The following PRKCB variants were observed in gnomAD, a reference collection of about 807,000 sequenced individuals.
The protein encoded by PRKCB is protein kinase C beta type.
A neutral mutation model predicts 81.5 loss-of-function variants in PRKCB; 13 were observed. The observed-to-expected ratio is 0.16, with a 90% CI of 0.10 to 0.25. The LOEUF is 0.25. Among genes scored for constraint, PRKCB ranks in the 10% least tolerant of loss-of-function variants. The probability of loss-of-function intolerance (pLI) is 1.00; values close to 1 mark genes in which losing one functional copy is unlikely to be tolerated. For synonymous variants in PRKCB, 335 were observed against 321.4 expected, an observed-to-expected ratio of 1.04 and a Z score of -0.45; for missense variants, 509 against 875.7, an observed-to-expected ratio of 0.58 and a Z score of 5.29.
intron 2 of PRKCB, among the ~76,000 whole-genome samples, chr16:23,912,113 T>C (rs1428239315): frequency 1.3e-5 from 2 of 152,062 alleles, no homozygotes; most frequent in Non-Finnish European, 2.9e-5. Flanking sequence ...ATTACAGACA[T>C]GAGCCACTGT....
chr16:23,847,344 C>T (rs1962387327), intron 2 of PRKCB, among the ~76,000 whole-genome samples: 1 of 100,134 alleles, frequency 1.0e-5, no homozygotes, highest in Admixed American at 9.3e-5. Context: ...ATCTATCTAT[C>T]TATCTATCTA....
intron 2 of PRKCB, among the ~76,000 whole-genome samples, chr16:23,936,731 T>C (rs932930753): frequency 2.0e-5 from 3 of 152,108 alleles, no homozygotes; most frequent in Non-Finnish European, 4.4e-5. Flanking sequence ...TATTCATTTT[T>C]TAATAGATGT....
chr16:24,004,818 A>G (rs1965095395), intron 3 of PRKCB, among the ~76,000 whole-genome samples: 2 of 152,256 alleles, frequency 1.3e-5, no homozygotes, highest in South Asian at 2.1e-4. Context: ...ACTAAATCTA[A>G]TCATTTTGAC....
At chr16:23,947,778 G>A (rs1007950252) in intron 2 of PRKCB, among the ~76,000 whole-genome samples, 2 of 152,002 alleles carry the variant, frequency 1.3e-5, no homozygotes, top group Middle Eastern at 3.4e-3. Context: ...GGGCCTAAAC[G>A]ACATCTCCAG....
In PRKCB at chr16:23,841,220, C is replaced by T. The variant is rs370608382; in HGVS notation, c.205+3814C>T. ...TCAGCCTCCCAGGTTGCTGGGATTA[C>T]GGGGGCCTGCCACCACGCCTGGCTA... On this transcript the variant is annotated intron_variant, in intron 2 of 16. Transcript: ENST00000643927. Among the ~76,000 whole-genome samples, 176 of 152,172 alleles carry T rather than the reference C, an allele frequency of 1.2e-3. 5 individuals carry two copies. In the South Asian group the frequency reaches 0.025, roughly 21 times the overall value.
intron 2 of PRKCB, among the ~76,000 whole-genome samples, chr16:23,850,719 TA>T (rs1220042235): frequency 6.6e-6 from 1 of 152,212 alleles, no homozygotes; most frequent in Non-Finnish European, 1.5e-5. Flanking sequence ...TTCATAAGGC[TA>T]TACTAACTTA....
At chr16:23,915,046 C>T (rs966015389) in intron 2 of PRKCB, among the ~76,000 whole-genome samples, 1 of 152,176 alleles carries the variant, frequency 6.6e-6, no homozygotes, top group African/African-American at 2.4e-5. Flanking sequence ...ACCAGAAACC[C>T]ACTTTTGGCC....
intron 8 of PRKCB, among the ~76,000 whole-genome samples, chr16:24,113,837 C>G (rs915892418): frequency 1.3e-5 from 2 of 152,052 alleles, no homozygotes; most frequent in African/African-American, 2.4e-5. Context: ...TGCATTCAGG[C>G]TTAGACATTT....
At chr16:23,929,353 A>G (rs762192451) in intron 2 of PRKCB, among the ~76,000 whole-genome samples, 1 of 152,122 alleles carries the variant, frequency 6.6e-6, no homozygotes, top group East Asian at 1.9e-4. Context: ...GGCTAAACGC[A>G]TGAACTCTTG....
At chr16:23,985,082 T>TTTTG (rs1397429556) in intron 2 of PRKCB, among the ~76,000 whole-genome samples, 2 of 152,186 alleles carry the variant, frequency 1.3e-5, no homozygotes, top group African/African-American at 4.8e-5. Flanking sequence ...TTCCTATTGT[T>TTTTG]TTTGTTTGTT....
intron 3 of PRKCB, among the ~76,000 whole-genome samples, chr16:23,994,501 T>C (rs1268963389): frequency 6.6e-6 from 1 of 152,152 alleles, no homozygotes; most frequent in African/African-American, 2.4e-5. Flanking sequence ...ACTACATCCT[T>C]AGAGGGACAG....
chr16:23,978,682 G>T (rs887225778), intron 2 of PRKCB, among the ~76,000 whole-genome samples: 1 of 152,108 alleles, frequency 6.6e-6, no homozygotes, highest in Non-Finnish European at 1.5e-5. Context: ...TTAGATGGTG[G>T]GGTATACTGT....
In PRKCB at chr16:24,174,534, A is replaced by G. The variant is rs748531840; in HGVS notation, c.1348A>G (p.Ile450Val). Residue 450 changes from isoleucine (I) to valine (V), a missense_variant, in exon 12 of 17, where the codon ATT (isoleucine) becomes GTT (valine). Ile to Val is a conservative substitution (Grantham distance 29). Around this residue, in one of 6 missense-constraint regions of PRKCB, gnomAD observed 106 missense variants for 214.0 expected, o/e 0.50. Transcript: ENST00000643927. Reference protein sequence around the residue: ...EPHAVFYAAEIAIGLFFLQSK... With the variant: ...EPHAVFYAAEVAIGLFFLQSK... ...TAATTTCAGATTTTACGCTGCAGAA[A>G]TTGCCATCGGTCTGTTCTTCTTACA... 1 of 1,612,512 alleles carries G rather than the reference A, an allele frequency of 6.2e-7. No individual in the cohort carries two copies. Among genetic ancestry groups the G allele is most frequent in the Admixed American group, 1.7e-5 (1 of 59,862 alleles).
At chr16:24,038,294 G>A (rs776498281) in intron 5 of PRKCB, among the ~76,000 whole-genome samples, 13 of 152,324 alleles carry the variant, frequency 8.5e-5, no homozygotes, top group African/African-American at 2.9e-4. Context: ...GAGACTAGGC[G>A]TTCAAGACCA....
chr16:23,927,109 G>A (rs1292691275), intron 2 of PRKCB, among the ~76,000 whole-genome samples: 1 of 152,138 alleles, frequency 6.6e-6, no homozygotes, highest in African/African-American at 2.4e-5. Flanking sequence ...TGAGATATGT[G>A]CTGTGATGGC....
intron 2 of PRKCB, among the ~76,000 whole-genome samples, chr16:23,945,644 G>T (rs195999): frequency 0.54 from 82,551 of 151,900 alleles, 22,861 homozygotes; most frequent in East Asian, 0.66. Flanking sequence ...GTGGTGGAAA[G>T]TCCTACTGAT....
chr16:24,027,371 A>G (rs964949319), intron 3 of PRKCB, among the ~76,000 whole-genome samples: 2 of 152,186 alleles, frequency 1.3e-5, no homozygotes, highest in Non-Finnish European at 2.9e-5. Flanking sequence ...CTCTGATAGG[A>G]ACCTTATGTA....
rs367902700 is a variant in PRKCB at position 24,031,456 on chromosome 16, G to A, written c.289-680G>A. 5.3e-5 allele frequency among the ~76,000 whole-genome samples: 8 copies of A among 152,270 alleles called. No individual in the cohort carries two copies. The East Asian group carries it at 1.5e-3, about 29-fold the overall frequency. On this transcript the variant is annotated intron_variant, in intron 3 of 16. Transcript: ENST00000643927. The stretch of plus-strand genomic sequence containing the variant: ...TTTCCATTTGAAGGGAATGGCCCTG[G>A]AGCACACACATCCCATTGGCCAGAA...
intron 5 of PRKCB, among the ~76,000 whole-genome samples, chr16:24,071,834 A>C (rs1258944651): frequency 6.6e-6 from 1 of 152,134 alleles, no homozygotes; most frequent in African/African-American, 2.4e-5. Context: ...GGGGCCGAAG[A>C]GGGCGTTGAG....
Sources: allele counts gnomAD v4.1 joint callset (sites outside exome capture counted in the v4.1 genomes callset), GRCh38; gene constraint gnomAD v4.1.1; regional missense constraint gnomAD v4.1.1; transcripts MANE v1.5; gene names NCBI Gene and HGNC (gene_info 2026-07-23, HGNC 2026-07-21).